Variants in CHCHD6 observed in about 807,000 individuals in gnomAD.
CHCHD6 encodes coiled-coil-helix-coiled-coil-helix domain containing 6, also known as MICOS complex subunit MIC25.
CHCHD6 carries 28 observed loss-of-function variants against 32.3 expected under a neutral mutation model. That is an observed-to-expected ratio of 0.87 (90% CI 0.64 to 1.19). The LOEUF is 1.19. Ranked by LOEUF, CHCHD6 falls within the 50% of genes most tolerant of loss-of-function variation. The probability of loss-of-function intolerance (pLI) is 0.00; values close to 1 mark genes in which losing one functional copy is unlikely to be tolerated. For missense variants in CHCHD6, 333 were observed against 307.0 expected (o/e 1.08, Z -0.63); for synonymous variants, 122 against 117.5 (o/e 1.04, Z -0.25).
intron 4 of CHCHD6, among the ~76,000 whole-genome samples, chr3:126,819,746 G>A (rs1940071664): frequency 6.6e-6 from 1 of 152,242 alleles, no homozygotes; most frequent in Non-Finnish European, 1.5e-5. Flanking sequence ...TTGATGGTAT[G>A]CACACAGCGG....
intron 4 of CHCHD6, among the ~76,000 whole-genome samples, chr3:126,783,046 A>G (rs1429218660): frequency 1.3e-5 from 2 of 152,208 alleles, no homozygotes; most frequent in African/African-American, 4.8e-5. Context: ...TTAGATATCC[A>G]GAACTAAATT....
chr3:126,935,917 T>C (rs2078473474), intron 6 of CHCHD6, among the ~76,000 whole-genome samples: 1 of 152,210 alleles, frequency 6.6e-6, no homozygotes, highest in Non-Finnish European at 1.5e-5. Context: ...TGGGTTTAGG[T>C]AGGGAGAGCC....
chr3:126,905,905 G>C (rs1346033810), intron 5 of CHCHD6, among the ~76,000 whole-genome samples: 1 of 152,130 alleles, frequency 6.6e-6, no homozygotes, highest in African/African-American at 2.4e-5. Context: ...GGAATCAGGG[G>C]CATCACGCGA....
chr3:126,813,866 A>G (rs894919948), intron 4 of CHCHD6, among the ~76,000 whole-genome samples: 1 of 152,228 alleles, frequency 6.6e-6, no homozygotes, highest in Non-Finnish European at 1.5e-5. Context: ...ATTGGAGGAC[A>G]CTAGTTGATC....
intron 5 of CHCHD6, among the ~76,000 whole-genome samples, chr3:126,903,050 A>G (rs1264271784): frequency 6.6e-6 from 1 of 152,146 alleles, no homozygotes; most frequent in East Asian, 1.9e-4. Flanking sequence ...GCTTGGGAGC[A>G]AGGCCATCTC....
chr3:126,712,667 T>C (rs1934806440), intron 1 of CHCHD6, among the ~76,000 whole-genome samples: 1 of 152,164 alleles, frequency 6.6e-6, no homozygotes, highest in Admixed American at 6.5e-5. Flanking sequence ...TCTCTGCCCT[T>C]CCTGTGTCTG....
intron 4 of CHCHD6, among the ~76,000 whole-genome samples, chr3:126,765,855 A>G (rs752702067): frequency 6.6e-6 from 1 of 152,226 alleles, no homozygotes; most frequent in Non-Finnish European, 1.5e-5. Flanking sequence ...GGGACACTGC[A>G]GATTATAGGC....
chr3:126,878,345 G>T (rs1332802409), intron 5 of CHCHD6, among the ~76,000 whole-genome samples: 2 of 152,204 alleles, frequency 1.3e-5, no homozygotes, highest in Admixed American at 1.3e-4. Context: ...TGGTTCCGAG[G>T]CTGCAACAGG....
chr3:126,767,247 T>C (rs1399898677), intron 4 of CHCHD6: 18 of 1,434,126 alleles, frequency 1.3e-5, no homozygotes, highest in Non-Finnish European at 1.6e-5. Context: ...TGTGCGGGGC[T>C]GGGGATAGTG....
At chr3:126,926,658 G>C (rs549042519) in intron 6 of CHCHD6, among the ~76,000 whole-genome samples, 1 of 152,210 alleles carries the variant, frequency 6.6e-6, no homozygotes, top group Admixed American at 6.5e-5. Flanking sequence ...AGGCTGGTGG[G>C]ACAGGGTGGT....
chr3:126,776,463 T>C (rs2053820), intron 4 of CHCHD6, among the ~76,000 whole-genome samples: 67,648 of 151,982 alleles, frequency 0.45, 16,316 homozygotes, highest in African/African-American at 0.64. Flanking sequence ...AAGCTAGAGA[T>C]CACCACCTGT....
chr3:126,952,969 G>A lies in CHCHD6; in HGVS notation c.567-4447G>A. ...CATCACATTCTCAGGGCCATCAGGAGGCTGGATGTGGGGTCTTCTGTGGTC... is the reference window on the plus strand; with the variant it reads ...CATCACATTCTCAGGGCCATCAGGAAGCTGGATGTGGGGTCTTCTGTGGTC... On this transcript the variant is annotated intron_variant, in intron 6 of 7. Transcript: ENST00000290913. 7 of 985,440 alleles carry A rather than the reference G, an allele frequency of 7.1e-6. No homozygotes were observed. The South Asian group carries it at 3.3e-4, about 46-fold the overall frequency. The allele number at this position is 985,440 out of a possible 1,614,324, so 61.0% of individuals were successfully genotyped here.
At chr3:126,847,973 T>C (rs373984791) in intron 4 of CHCHD6, among the ~76,000 whole-genome samples, 20 of 152,236 alleles carry the variant, frequency 1.3e-4, no homozygotes, top group African/African-American at 4.3e-4. Flanking sequence ...TTATCAGACT[T>C]TTTATCTTTG....
rs376090806 is a variant in CHCHD6 at position 126,717,144 on chromosome 3, C to T, written c.88-9934C>T. On this transcript the variant is annotated intron_variant, in intron 1 of 7. Coordinates refer to ENST00000290913, the MANE Select transcript of CHCHD6 (RefSeq NM_032343.3). ...TGTGGCTTCATGGACTGGGCAAGTTCTTTAACCTCTCTCTACCTTGGTTTT... is the reference window on the plus strand; with the variant it reads ...TGTGGCTTCATGGACTGGGCAAGTTTTTTAACCTCTCTCTACCTTGGTTTT... Among the ~76,000 whole-genome samples the T allele has an allele frequency of 2.6e-5, 4 of 152,120 alleles. No individual in the cohort carries two copies. The East Asian group carries it at 7.7e-4, about 29-fold the overall frequency.
chr3:126,754,891 TGGGCAGGAA>T (rs2107669661), intron 4 of CHCHD6, among the ~76,000 whole-genome samples: 1 of 152,302 alleles, frequency 6.6e-6, no homozygotes, highest in African/African-American at 2.4e-5. Context: ...AAGAAGCTGA[TGGGCAGGAA>T]GGGCAGTGGC....
At chr3:126,922,627 G>A (rs1299947667) in intron 6 of CHCHD6, among the ~76,000 whole-genome samples, 1 of 123,578 alleles carries the variant, frequency 8.1e-6, no homozygotes, top group African/African-American at 3.6e-5. Context: ...CACCACGTGT[G>A]TGTGTGTGTG....
At chr3:126,832,078 A>G (rs1559870269) in intron 4 of CHCHD6, among the ~76,000 whole-genome samples, 1 of 152,232 alleles carries the variant, frequency 6.6e-6, no homozygotes, top group Non-Finnish European at 1.5e-5. Flanking sequence ...ATGAGGTGCC[A>G]GGAGCTTTTC....
chr3:126,899,998 A>G (rs1053263309), intron 5 of CHCHD6, among the ~76,000 whole-genome samples: 1 of 152,206 alleles, frequency 6.6e-6, no homozygotes, highest in African/African-American at 2.4e-5. Flanking sequence ...TCACAGTGAT[A>G]AGTCAATCTC....
chr3:126,933,557 T>A (rs1252986447), intron 6 of CHCHD6, among the ~76,000 whole-genome samples: 4 of 152,172 alleles, frequency 2.6e-5, no homozygotes, highest in Non-Finnish European at 5.9e-5. Context: ...AAGGAGCCGG[T>A]GTGTCACCTG....
Sources: gnomAD v4.1 joint callset for allele counts (sites outside exome capture counted in the v4.1 genomes callset) on GRCh38, gnomAD v4.1.1 for gene constraint, MANE v1.5 for transcripts, NCBI Gene and HGNC (gene_info 2026-07-23, HGNC 2026-07-21) for gene names.